The following SAMD8 variants were observed in gnomAD, a reference collection of about 807,000 sequenced individuals.
SAMD8 encodes sphingomyelin synthase-related protein 1.
In SAMD8, 20 loss-of-function variants were observed where a neutral mutation model predicts 42.0. The ratio of observed to expected loss-of-function variants is 0.48; its 90% confidence interval spans 0.34 to 0.69. The LOEUF (loss-of-function observed/expected upper bound fraction) is 0.69, where lower values mean the gene tolerates loss of function less well. Among genes scored for constraint, SAMD8 ranks in the 30% least tolerant of loss-of-function variants. The pLI is 0.01. For synonymous variants in SAMD8, 162 were observed against 173.0 expected, an observed-to-expected ratio of 0.94 and a Z score of 0.50; for missense variants, 328 against 511.6, an observed-to-expected ratio of 0.64 and a Z score of 3.46.
At chr10:75,109,314 A>G, upstream of SAMD8, 1 of 713,958 alleles carries the variant, frequency 1.4e-6, no homozygotes, top group Non-Finnish European at 2.1e-6. Flanking sequence ...TTCCTCCCCA[A>G]GCCTCCCCCC....
At chr10:75,102,859 G>A (rs1393219424) in intron 1 of SAMD8, among the ~76,000 whole-genome samples, 2 of 152,182 alleles carry the variant, frequency 1.3e-5, no homozygotes, top group African/African-American at 2.4e-5. Flanking sequence ...GCCTGAGGCA[G>A]GAGAATCATT....
rs567376801 is a variant in SAMD8, at chr10:75,148,855, G to T, written c.-15-1659G>T. Among the ~76,000 whole-genome samples, 246 of 152,260 alleles carry T rather than the reference G, an allele frequency of 1.6e-3. 2 individuals are homozygous for T. The Middle Eastern group carries it at 0.024, about 15-fold the overall frequency. The stretch of plus-strand genomic sequence containing the variant: ...ATTGATGTTTTGTTTGGTTTTTCAA[G>T]ACTTTGAAAATAAAGTTTAATCTAA... On this transcript the variant is annotated intron_variant, in intron 1 of 5. Coordinates refer to ENST00000542569, the MANE Select transcript of SAMD8 (RefSeq NM_001174156.2).
chr10:75,101,736 C>T (rs1848169624), intron 1 of SAMD8: 9 of 538,912 alleles, frequency 1.7e-5, no homozygotes, highest in South Asian at 1.2e-4. Context: ...GCCTTCATCT[C>T]TGACCCAGTC....
rs1037269050 is a variant in SAMD8, at chr10:75,139,040, C to A, written c.-15-11474C>A. Among the ~76,000 whole-genome samples the A allele has an allele frequency of 4.0e-5, 6 of 151,436 alleles. No homozygotes were observed. In the East Asian group the frequency reaches 1.2e-3, roughly 29 times the overall value. On this transcript the variant is annotated intron_variant, in intron 1 of 5. Transcript: ENST00000542569. ...CAATGGTGTGAACTCAGTTCACTGC[C>A]ACCTCCGCCTCCCAGGCTCAAACAA...
intron 3 of SAMD8, among the ~76,000 whole-genome samples, chr10:75,165,226 A>G (rs1462844694): frequency 6.6e-6 from 1 of 151,906 alleles, no homozygotes; most frequent in African/African-American, 2.4e-5. Context: ...AGGGTCGGAC[A>G]TTGTGGTGAG....
intron 1 of SAMD8, among the ~76,000 whole-genome samples, chr10:75,116,584 G>A (rs1309284068): frequency 1.3e-5 from 2 of 152,130 alleles, no homozygotes; most frequent in Non-Finnish European, 2.9e-5. Flanking sequence ...TGGTGTCACT[G>A]AGTTTTTGGA....
intron 1 of SAMD8, among the ~76,000 whole-genome samples, chr10:75,129,651 G>T (rs767337610): frequency 5.3e-5 from 8 of 152,078 alleles, no homozygotes; most frequent in Non-Finnish European, 7.4e-5. Flanking sequence ...GTAGAAAATG[G>T]TTTGTTTATA....
intron 1 of SAMD8, among the ~76,000 whole-genome samples, chr10:75,118,434 C>T (rs1462631929): frequency 6.6e-6 from 1 of 152,154 alleles, no homozygotes; most frequent in Non-Finnish European, 1.5e-5. Flanking sequence ...CACTTGAGAT[C>T]AGAGTTCGAG....
intron 2 of SAMD8, among the ~76,000 whole-genome samples, chr10:75,155,793 A>G (rs941504176): frequency 3.9e-5 from 6 of 152,236 alleles, no homozygotes; most frequent in Admixed American, 2.0e-4. Context: ...TCATACATCT[A>G]TACAGTGGCA....
chr10:75,136,512 G>A (rs1238159544), intron 1 of SAMD8, among the ~76,000 whole-genome samples: 1 of 152,154 alleles, frequency 6.6e-6, no homozygotes, highest in African/African-American at 2.4e-5. Context: ...TGGGTACTTA[G>A]CTTGTTCTGA....
intron 1 of SAMD8, chr10:75,101,741 C>A (rs1394858350): frequency 1.8e-6 from 1 of 565,372 alleles, no homozygotes; most frequent in Non-Finnish European, 3.0e-6. Flanking sequence ...CATCTCTGAC[C>A]CAGTCGGTTC....
At chr10:75,136,310 C>T (rs1243743828) in intron 1 of SAMD8, among the ~76,000 whole-genome samples, 1 of 152,080 alleles carries the variant, frequency 6.6e-6, no homozygotes, top group Non-Finnish European at 1.5e-5. Flanking sequence ...AATTGAATAG[C>T]TTTTTGAAAT....
At chr10:75,115,346 T>C (rs2134416091) in intron 1 of SAMD8, among the ~76,000 whole-genome samples, 1 of 152,284 alleles carries the variant, frequency 6.6e-6, no homozygotes, top group South Asian at 2.1e-4. Flanking sequence ...TTACTTTAGG[T>C]CTTGTGGTTT....
chr10:75,110,630 T>G (rs1416061278), upstream of SAMD8, among the ~76,000 whole-genome samples: 5 of 152,250 alleles, frequency 3.3e-5, no homozygotes, highest in East Asian at 9.6e-4. Context: ...GGGTTTGGAC[T>G]TGGTTTATGC....
At chr10:75,106,393 A>G (rs975530962) in intron 1 of SAMD8, among the ~76,000 whole-genome samples, 5 of 151,736 alleles carry the variant, frequency 3.3e-5, no homozygotes, top group African/African-American at 1.2e-4. Flanking sequence ...TGCTATTCCA[A>G]ATACCTGCAA....
intron 2 of SAMD8, among the ~76,000 whole-genome samples, chr10:75,153,601 G>C (rs1840343709): frequency 1.3e-5 from 2 of 151,180 alleles, no homozygotes; most frequent in Admixed American, 1.3e-4. Flanking sequence ...GTGTCAGAGT[G>C]AGACTGTCTC....
intron 1 of SAMD8, among the ~76,000 whole-genome samples, chr10:75,120,840 G>T (rs1285190157): frequency 2.2e-5 from 3 of 138,420 alleles, no homozygotes; most frequent in African/African-American, 7.9e-5. Context: ...GAGTGCAGTG[G>T]TGCAATCTCA....
At chr10:75,119,357 A>G (rs572296312) in intron 1 of SAMD8, among the ~76,000 whole-genome samples, 36 of 152,074 alleles carry the variant, frequency 2.4e-4, no homozygotes, top group Non-Finnish European at 1.2e-4. Flanking sequence ...GGGTTTCTCC[A>G]TGTTGGTCAG....
At chr10:75,126,294 A>G (rs1849131352) in intron 1 of SAMD8, among the ~76,000 whole-genome samples, 1 of 152,180 alleles carries the variant, frequency 6.6e-6, no homozygotes, top group African/African-American at 2.4e-5. Flanking sequence ...TTAGATAAAT[A>G]TCCACTTTAT....
Sources: gnomAD v4.1 joint callset for allele counts (sites outside exome capture counted in the v4.1 genomes callset) on GRCh38, gnomAD v4.1.1 for gene constraint, MANE v1.5 for transcripts, NCBI Gene and HGNC (gene_info 2026-07-23, HGNC 2026-07-21) for gene names.